IDE: variants seen among roughly 807,000 people sequenced by gnomAD.
The protein encoded by IDE is insulin-degrading enzyme.
IDE carries 58 observed loss-of-function variants against 133.2 expected under a neutral mutation model. That is an observed-to-expected ratio of 0.44 (90% CI 0.35 to 0.54). IDE has a LOEUF of 0.54. IDE is among the 20% of genes least tolerant of loss of function. The probability of loss-of-function intolerance (pLI) is 0.00; values close to 1 mark genes in which losing one functional copy is unlikely to be tolerated. For synonymous variants in IDE, 396 were observed against 421.3 expected (o/e 0.94, Z 0.73); for missense variants, 981 against 1,234.0 (o/e 0.79, Z 3.07).
rs527662653 is a variant in IDE, at chr10:92,466,558, C to A, written c.2321-715G>T. On this transcript the variant is annotated intron_variant, in intron 19 of 24. Transcript: ENST00000265986. ...TCTTGAATTCCTGACCTCAGGTGAT[C>A]CGCCTGCTTTGGCCTCCCAAAATGC... Among the ~76,000 whole-genome samples, 16 of 151,718 alleles carry A rather than the reference C, an allele frequency of 1.1e-4. No individual in the cohort carries two copies. In the South Asian group the frequency reaches 2.9e-3, roughly 28 times the overall value.
chr10:92,529,500 C>T (rs1190411664), intron 4 of IDE, among the ~76,000 whole-genome samples: 1 of 152,188 alleles, frequency 6.6e-6, no homozygotes, highest in Admixed American at 6.5e-5. Context: ...GAAATATGCC[C>T]TGAAACTTCA....
At chr10:92,468,837 G>T in intron 19 of IDE, 42 bp downstream of exon 19, 1 of 1,053,778 alleles carries the variant, frequency 9.5e-7, no homozygotes, top group Non-Finnish European at 1.5e-6. Context: ...ACACTGTTAT[G>T]TCAAAATAGT....
chr10:92,564,524 A>T (rs1357456827), intron 1 of IDE, among the ~76,000 whole-genome samples: 1 of 151,620 alleles, frequency 6.6e-6, no homozygotes, highest in East Asian at 1.9e-4. Flanking sequence ...AAAAACACAA[A>T]AATTAGTGGG....
At position 92,524,384 on chromosome 10, in the gene IDE, A is replaced by T. The variant is rs11187047; in HGVS notation, c.661+7364T>A. 1.8e-4 allele frequency among the ~76,000 whole-genome samples: 16 copies of T among 88,816 alleles called. 1 individual carries two copies. The highest frequency in any genetic ancestry group is 6.2e-4 in the Admixed American group (3 of 4,850). 58.3% of individuals were successfully genotyped at this position (88,816 alleles called of 152,430 possible). A position where few individuals can be genotyped will look rare whatever the true frequency, so the allele number is the denominator to read the frequency against. On this transcript the variant is annotated intron_variant, in intron 4 of 24. Coordinates refer to ENST00000265986, the MANE Select transcript of IDE (RefSeq NM_004969.4). Reference sequence around the variant, plus strand: ...TATATTATAATATATATTATATATAATATATTTTATATAATATATAATATA... The same window carrying T: ...TATATTATAATATATATTATATATATTATATTTTATATAATATATAATATA...
chr10:92,460,128 C>T (rs201120144), intron 22 of IDE, among the ~76,000 whole-genome samples: 14 of 152,064 alleles, frequency 9.2e-5, no homozygotes, highest in South Asian at 4.1e-4. Context: ...TGAGCCACCA[C>T]GCCCAGCCGG....
chr10:92,548,952 C>T (rs1178241572), intron 1 of IDE, among the ~76,000 whole-genome samples: 1 of 152,150 alleles, frequency 6.6e-6, no homozygotes, highest in Non-Finnish European at 1.5e-5. Flanking sequence ...AAGCAACCTA[C>T]ACTGTATGGG....
At chr10:92,557,663 G>A (rs575355011) in intron 1 of IDE, among the ~76,000 whole-genome samples, 3 of 152,076 alleles carry the variant, frequency 2.0e-5, no homozygotes, top group Non-Finnish European at 4.4e-5. Context: ...GCCAAGGTAG[G>A]CAGATCACTT....
Position 92,521,699 on chromosome 10 carries a change from TAA to T in IDE, c.662-6659_662-6658del, listed in dbSNP as rs200105466. ...GTCTCTACAAAAATTAAAATAATAATAATAATAATAATGAAAGACATATCAAA... is the reference window on the plus strand; with the variant it reads ...GTCTCTACAAAAATTAAAATAATAATTAATAATAATGAAAGACATATCAAA... On this transcript the variant is annotated intron_variant, in intron 4 of 24. Coordinates refer to ENST00000265986, the MANE Select transcript of IDE (RefSeq NM_004969.4). Among the ~76,000 whole-genome samples the T allele has an allele frequency of 4.2e-3, 641 of 151,770 alleles. 15 individuals are homozygous for T. Among genetic ancestry groups the T allele is most frequent in the East Asian group, 2.7e-3 (14 of 5,176 alleles).
chr10:92,481,421 C>T (rs1277350708), intron 14 of IDE, among the ~76,000 whole-genome samples: 4 of 152,178 alleles, frequency 2.6e-5, no homozygotes, highest in Non-Finnish European at 2.9e-5. Context: ...GAGGAAGACT[C>T]TGTCTCCTAA....
intron 12 of IDE, among the ~76,000 whole-genome samples, chr10:92,489,083 G>A (rs1216190377): frequency 6.6e-6 from 1 of 151,944 alleles, no homozygotes; most frequent in African/African-American, 2.4e-5. Flanking sequence ...TAGCTGGTGT[G>A]GCACAGCCTT....
chr10:92,550,451 A>G (rs1842726782), intron 1 of IDE, among the ~76,000 whole-genome samples: 1 of 152,156 alleles, frequency 6.6e-6, no homozygotes, highest in African/African-American at 2.4e-5. Flanking sequence ...ATGAAGTACC[A>G]CTTCATACCA....
At chr10:92,527,133 C>A (rs1849666850) in intron 4 of IDE, among the ~76,000 whole-genome samples, 2 of 152,182 alleles carry the variant, frequency 1.3e-5, no homozygotes, top group African/African-American at 4.8e-5. Flanking sequence ...CATATATTTT[C>A]TTTTAAAAGT....
At chr10:92,571,665 G>A in intron 1 of IDE, among the ~76,000 whole-genome samples, 1 of 152,186 alleles carries the variant, frequency 6.6e-6, no homozygotes, top group East Asian at 1.9e-4. Flanking sequence ...TAAATGGATT[G>A]ATCTTACATA....
intron 1 of IDE, among the ~76,000 whole-genome samples, chr10:92,550,918 G>C (rs888115265): frequency 6.6e-6 from 1 of 152,080 alleles, no homozygotes; most frequent in African/African-American, 2.4e-5. Flanking sequence ...GTGCAGGTGA[G>C]GATGTAGAAA....
chr10:92,455,540 T>C, intron 24 of IDE, 36 bp downstream of exon 24: 1 of 1,250,098 alleles, frequency 8.0e-7, no homozygotes, highest in Non-Finnish European at 1.2e-6. Flanking sequence ...GAAAGTCCTC[T>C]GTCAGTACAA....
rs181563154 is a variant in IDE at position 92,536,786 on chromosome 10, T to A, written c.283+580A>T. ...CAGGCACGGTGGCTCACGCCTGTAA[T>A]CCCAGCACTTTGGGAGGCCAAGGCA... On this transcript the variant is annotated intron_variant, in intron 2 of 24. Transcript: ENST00000265986. Among the ~76,000 whole-genome samples, 62 of 151,682 alleles carry A rather than the reference T, an allele frequency of 4.1e-4. 2 individuals carry two copies. In the East Asian group the frequency reaches 0.011, roughly 28 times the overall value.
At chr10:92,461,810 G>A (rs921156055) in intron 21 of IDE, among the ~76,000 whole-genome samples, 13 of 151,746 alleles carry the variant, frequency 8.6e-5, no homozygotes, top group African/African-American at 2.9e-4. Flanking sequence ...GACTACAGGC[G>A]CCCGCCACCA....
chr10:92,565,873 G>C (rs570508499), intron 1 of IDE, among the ~76,000 whole-genome samples: 82 of 152,204 alleles, frequency 5.4e-4, no homozygotes, highest in South Asian at 3.7e-3. Context: ...CTAGGAAGAA[G>C]ACAATATAAT....
chr10:92,552,420 T>C (rs914056899), intron 1 of IDE, among the ~76,000 whole-genome samples: 5 of 152,224 alleles, frequency 3.3e-5, no homozygotes, highest in African/African-American at 4.8e-5. Flanking sequence ...TACAAACTTA[T>C]ATTTTTATTA....
Sources: gnomAD v4.1 joint callset for allele counts (sites outside exome capture counted in the v4.1 genomes callset) on GRCh38, gnomAD v4.1.1 for gene constraint, MANE v1.5 for transcripts, NCBI Gene and HGNC (gene_info 2026-07-23, HGNC 2026-07-21) for gene names.